Variants in TMEM217B observed in about 807,000 individuals in gnomAD.
The protein encoded by TMEM217B is transmembrane protein 217B.
chr6:37,215,094 T>A, the TMEM217B span: 1 of 1,483,440 alleles, frequency 6.7e-7, no homozygotes, highest in Non-Finnish European at 9.1e-7. Flanking sequence ...AGCCTTGGTC[T>A]CCACCCTCGG....
chr6:37,212,903 T>A, the TMEM217B span: 1 of 1,544,562 alleles, frequency 6.5e-7, no homozygotes, highest in Non-Finnish European at 8.8e-7. Context: ...AGGTCAAAGA[T>A]GAAGAACTGG....
At chr6:37,218,984 A>C in the TMEM217B span, 1 of 1,614,150 alleles carries the variant, frequency 6.2e-7, no homozygotes, top group Non-Finnish European at 8.5e-7. Flanking sequence ...CCCTGACAAC[A>C]CGGTGCCCAT....
chr6:37,215,732 A>C, the TMEM217B span, among the ~76,000 whole-genome samples: 3 of 152,100 alleles, frequency 2.0e-5, no homozygotes, highest in African/African-American at 7.2e-5. Context: ...GGCTTTCTGG[A>C]GTAGGCAATA....
At chr6:37,212,685 A>C in the TMEM217B span, 1 of 614,318 alleles carries the variant, frequency 1.6e-6, no homozygotes, top group Non-Finnish European at 3.1e-6. Flanking sequence ...TGAGCTCGTA[A>C]GTGATGATCC....
chr6:37,239,567 T>C, the TMEM217B span, among the ~76,000 whole-genome samples: 1 of 152,170 alleles, frequency 6.6e-6, no homozygotes. Context: ...ATGATATTTG[T>C]ATTTCAGTGG....
the TMEM217B span, among the ~76,000 whole-genome samples, chr6:37,216,032 T>TGTGAGAGA: frequency 2.2e-5 from 3 of 138,454 alleles, no homozygotes; most frequent in African/African-American, 8.0e-5. Context: ...TGTGTGTGTG[T>TGTGAGAGA]GAGAAACAGA....
At chr6:37,212,986 C>T in the TMEM217B span, 1 of 1,540,306 alleles carries the variant, frequency 6.5e-7, no homozygotes, top group South Asian at 1.2e-5. Context: ...CTTGTTTTAC[C>T]AGAGCACCTC....
chr6:37,227,478 G>A, the TMEM217B span, among the ~76,000 whole-genome samples: 1 of 152,006 alleles, frequency 6.6e-6, no homozygotes, highest in Non-Finnish European at 1.5e-5. Context: ...ACGGAGTCTC[G>A]CTCTGTCACC....
At chr6:37,225,429 A>G in the TMEM217B span, among the ~76,000 whole-genome samples, 10 of 152,182 alleles carry the variant, frequency 6.6e-5, no homozygotes, top group Non-Finnish European at 1.2e-4. Context: ...TGTATTAATG[A>G]TGACTGTTTT....
At chr6:37,255,397 C>A in the TMEM217B span, among the ~76,000 whole-genome samples, 3 of 152,062 alleles carry the variant, frequency 2.0e-5, no homozygotes, top group Non-Finnish European at 4.4e-5. Context: ...CAGGGTGTCT[C>A]TGGGCAGGGT....
At chr6:37,232,218 A>G in the TMEM217B span, among the ~76,000 whole-genome samples, 2 of 152,188 alleles carry the variant, frequency 1.3e-5, no homozygotes, top group African/African-American at 2.4e-5. Flanking sequence ...GTTGATGCAA[A>G]TAGAATTAGA....
chr6:37,230,954 TTTGTTGTTG>T, the TMEM217B span, among the ~76,000 whole-genome samples: 18 of 152,132 alleles, frequency 1.2e-4, no homozygotes, highest in Non-Finnish European at 2.5e-4. Context: ...ATTGTTTGTT[TTTGTTGTTG>T]TTGTTGTTTA....
the TMEM217B span, among the ~76,000 whole-genome samples, chr6:37,234,001 A>C: frequency 2.6e-5 from 4 of 152,102 alleles, no homozygotes; most frequent in African/African-American, 7.2e-5. Context: ...TTTTTTTATT[A>C]GATGATTTTG....
the TMEM217B span, among the ~76,000 whole-genome samples, chr6:37,238,826 T>A: frequency 2.6e-5 from 4 of 152,234 alleles, no homozygotes; most frequent in African/African-American, 4.8e-5. Context: ...TATTGATATA[T>A]GATTTTAAAA....
chr6:37,236,585 T>C, the TMEM217B span, among the ~76,000 whole-genome samples: 1 of 152,200 alleles, frequency 6.6e-6, no homozygotes, highest in Non-Finnish European at 1.5e-5. Context: ...GGCTTCAATC[T>C]TGGCTTCACC....
the TMEM217B span, chr6:37,215,350 G>A: frequency 1.9e-6 from 3 of 1,543,964 alleles, no homozygotes; most frequent in Middle Eastern, 2.1e-4. Context: ...CTTGAGGCAG[G>A]CGGATCACGA....
the TMEM217B span, among the ~76,000 whole-genome samples, chr6:37,243,001 G>A: frequency 7.9e-5 from 12 of 152,310 alleles, no homozygotes; most frequent in East Asian, 2.3e-3. Context: ...CTGCAGGAGA[G>A]GCTGGGAAAG....
At chr6:37,217,085 G>A in the TMEM217B span, among the ~76,000 whole-genome samples, 22 of 152,324 alleles carry the variant, frequency 1.4e-4, no homozygotes, top group East Asian at 4.1e-3. Context: ...CCTAAGGTCA[G>A]GAATTCAATA....
chr6:37,225,574 T>C, the TMEM217B span, among the ~76,000 whole-genome samples: 9 of 152,224 alleles, frequency 5.9e-5, no homozygotes, highest in African/African-American at 1.9e-4. Flanking sequence ...CCTTGCTGTG[T>C]TCATTGCCTC....
Sources: gnomAD v4.1 joint callset for allele counts (sites outside exome capture counted in the v4.1 genomes callset) on GRCh38, gnomAD v4.1.1 for gene constraint, MANE v1.5 for transcripts, NCBI Gene and HGNC (gene_info 2026-07-23, HGNC 2026-07-21) for gene names.